Variants in GRIP1 observed in about 807,000 individuals in gnomAD.
The protein encoded by GRIP1 is glutamate receptor interacting protein 1, also known as glutamate receptor-interacting protein 1.
A neutral mutation model predicts 129.9 loss-of-function variants in GRIP1; 45 were observed. The ratio of observed to expected loss-of-function variants is 0.35; its 90% CI spans 0.27 to 0.44. The LOEUF is 0.44. Ranked by LOEUF, GRIP1 falls within the 20% of genes least tolerant of loss-of-function variation. The pLI is 1.00. For synonymous variants in GRIP1, 530 were observed against 520.8 expected (o/e 1.02, Z -0.24); for missense variants, 1,196 against 1,396.8 (o/e 0.86, Z 2.29).
chr12:67,030,165 C>T (rs972488382), intron 1 of GRIP1, among the ~76,000 whole-genome samples: 5 of 151,010 alleles, frequency 3.3e-5, no homozygotes, highest in South Asian at 2.1e-4. Flanking sequence ...GAGCCAAGAT[C>T]GCCCCACTGC....
intron 1 of GRIP1, among the ~76,000 whole-genome samples, chr12:66,893,993 C>T (rs538294233): frequency 6.6e-6 from 1 of 152,116 alleles, no homozygotes; most frequent in African/African-American, 2.4e-5. Flanking sequence ...CCACACTGGT[C>T]TCCTTTCTAC....
chr12:66,904,911 G>C (rs1308887466), intron 1 of GRIP1, among the ~76,000 whole-genome samples: 3 of 150,866 alleles, frequency 2.0e-5, no homozygotes, highest in Non-Finnish European at 4.4e-5. Context: ...ACAAAAAAAA[G>C]TAAGCTTTGT....
At chr12:66,493,010 C>G (rs2060145597) in intron 7 of GRIP1, among the ~76,000 whole-genome samples, 1 of 151,982 alleles carries the variant, frequency 6.6e-6, no homozygotes. Flanking sequence ...TGTCTCAAAA[C>G]AAACAAACAA....
intron 1 of GRIP1, among the ~76,000 whole-genome samples, chr12:66,865,168 G>A (rs1467350092): frequency 6.6e-6 from 1 of 152,130 alleles, no homozygotes; most frequent in East Asian, 1.9e-4. Flanking sequence ...GCTCAAGGAA[G>A]CACGGCAAGA....
rs577710228 is a variant in GRIP1 at position 66,700,691 on chromosome 12, T to C, written c.-419-70355A>G. ...GCTAAGGATAGGCTGGGGGGGAGAA[T>C]ATCAAGTTAGCTTGGAGGATATTCT... On this transcript the variant is annotated intron_variant, in intron 1 of 4. Coordinates refer to the GRIP1 transcript ENST00000538373. Among the ~76,000 whole-genome samples the C allele has an allele frequency of 9.2e-5, 14 of 152,078 alleles. No homozygotes were observed. The South Asian group carries it at 2.7e-3, about 29-fold the overall frequency.
chr12:66,552,003 T>C (rs983723755), intron 2 of GRIP1, among the ~76,000 whole-genome samples: 1 of 152,164 alleles, frequency 6.6e-6, no homozygotes, highest in Non-Finnish European at 1.5e-5. Context: ...TGGGAGCAGC[T>C]GGGTGGATAA....
chr12:66,598,909 A>G (rs1219531052), intron 1 of GRIP1, among the ~76,000 whole-genome samples: 1 of 152,158 alleles, frequency 6.6e-6, no homozygotes, highest in African/African-American at 2.4e-5. Context: ...GCAATAAGAG[A>G]TTTTCCCAGG....
intron 15 of GRIP1, among the ~76,000 whole-genome samples, chr12:66,412,145 T>C (rs2057424108): frequency 6.6e-6 from 1 of 152,042 alleles, no homozygotes; most frequent in South Asian, 2.1e-4. Flanking sequence ...AATAAGATAC[T>C]ACAGGAGAAG....
chr12:66,526,739 G>A (rs1477812732), intron 5 of GRIP1, among the ~76,000 whole-genome samples: 1 of 151,862 alleles, frequency 6.6e-6, no homozygotes, highest in African/African-American at 2.4e-5. Flanking sequence ...AGAGTGAACA[G>A]GCAACCTACA....
chr12:66,355,953 A>C (rs2054469836), intron 23 of GRIP1, among the ~76,000 whole-genome samples: 1 of 152,172 alleles, frequency 6.6e-6, no homozygotes, highest in African/African-American at 2.4e-5. Flanking sequence ...AGTTCCAGCC[A>C]TCCCCCTCAC....
intron 1 of GRIP1, among the ~76,000 whole-genome samples, chr12:66,766,759 T>G (rs960517301): frequency 3.3e-5 from 5 of 152,242 alleles, no homozygotes; most frequent in African/African-American, 4.8e-5. Context: ...CATTAAATTA[T>G]AAATTTGTTA....
intron 15 of GRIP1, among the ~76,000 whole-genome samples, chr12:66,411,124 G>A (rs1241765766): frequency 6.6e-6 from 1 of 152,130 alleles, no homozygotes; most frequent in Non-Finnish European, 1.5e-5. Context: ...CCAAATCACA[G>A]TGCACCTGCT....
chr12:66,823,862 G>A (rs2136993645), intron 1 of GRIP1, among the ~76,000 whole-genome samples: 1 of 152,252 alleles, frequency 6.6e-6, no homozygotes, highest in South Asian at 2.1e-4. Flanking sequence ...TTACTGTCAT[G>A]TTTGGGCTAA....
Position 66,395,616 on chromosome 12 carries a change from C to T in GRIP1, c.1985-1264G>A, listed in dbSNP as rs73331093. On this transcript the variant is annotated intron_variant, in intron 16 of 24. Transcript: ENST00000359742. ...CGCCAGCACTTACTTCACTTCTGGC[C>T]ATAGATTGGGAGTTTTGAATGCAGC... Among the ~76,000 whole-genome samples, 241 of 152,230 alleles carry T rather than the reference C, an allele frequency of 1.6e-3. 1 individual carries two copies. Among genetic ancestry groups the T allele is most frequent in the African/African-American group, 5.4e-3 (226 of 41,544 alleles).
chr12:66,665,484 A>G (rs2033745906), intron 1 of GRIP1, among the ~76,000 whole-genome samples: 1 of 152,164 alleles, frequency 6.6e-6, no homozygotes, highest in South Asian at 2.1e-4. Context: ...GTTAACCACC[A>G]TCCTAACTTC....
chr12:66,775,183 G>A (rs2037939853), intron 1 of GRIP1, among the ~76,000 whole-genome samples: 1 of 152,186 alleles, frequency 6.6e-6, no homozygotes, highest in South Asian at 2.1e-4. Flanking sequence ...TTTTTAAGGA[G>A]CACAGAGAGG....
chr12:66,677,876 A>G (rs1241865353), intron 1 of GRIP1, among the ~76,000 whole-genome samples: 1 of 152,214 alleles, frequency 6.6e-6, no homozygotes, highest in Non-Finnish European at 1.5e-5. Context: ...TAACATATTT[A>G]TAGGTTCAGA....
chr12:66,700,256 T>C (rs2035304397), intron 1 of GRIP1, among the ~76,000 whole-genome samples: 1 of 152,096 alleles, frequency 6.6e-6, no homozygotes, highest in Admixed American at 6.5e-5. Context: ...GTGTGATGTA[T>C]GCTGGAGCAA....
At chr12:66,750,215 T>C (rs1014745080) in intron 1 of GRIP1, among the ~76,000 whole-genome samples, 9 of 152,202 alleles carry the variant, frequency 5.9e-5, no homozygotes, top group African/African-American at 2.2e-4. Context: ...AATTCTATGA[T>C]ATCCATGGCA....
Sources: gnomAD v4.1 joint callset for allele counts (sites outside exome capture counted in the v4.1 genomes callset) on GRCh38, gnomAD v4.1.1 for gene constraint, MANE v1.5 for transcripts, NCBI Gene and HGNC (gene_info 2026-07-23, HGNC 2026-07-21) for gene names.